The following PRRC2B variants were observed in gnomAD, a reference collection of about 807,000 sequenced individuals.
PRRC2B encodes protein PRRC2B.
In PRRC2B, 68 loss-of-function variants were observed where a neutral mutation model predicts 242.3. That is an observed-to-expected ratio of 0.28 (90% CI 0.23 to 0.34). The LOEUF (loss-of-function observed/expected upper bound fraction) is 0.34, where lower values mean the gene tolerates loss of function less well. Ranked by LOEUF, PRRC2B falls within the 10% of genes least tolerant of loss-of-function variation. The pLI is 1.00. For synonymous variants in PRRC2B, 1,228 were observed against 1,173.6 expected (o/e 1.05, Z -0.95); for missense variants, 2,835 against 2,954.8 (o/e 0.96, Z 0.94).
intron 1 of PRRC2B, among the ~76,000 whole-genome samples, chr9:131,413,904 TC>T (rs1837571535): frequency 6.6e-6 from 1 of 152,052 alleles, no homozygotes; most frequent in Non-Finnish European, 1.5e-5. Flanking sequence ...TCTCCTGACC[TC>T]ATGATCCACC....
At chr9:131,400,448 G>C (rs1367780183) in intron 1 of PRRC2B, among the ~76,000 whole-genome samples, 2 of 151,906 alleles carry the variant, frequency 1.3e-5, no homozygotes, top group African/African-American at 4.8e-5. Flanking sequence ...CCTTCGAGTA[G>C]CTGGGATTAC....
At position 131,487,839 on chromosome 9, in the gene PRRC2B, C is replaced by T. The variant is rs1182119600; in HGVS notation, c.5985-17C>T. ...GACTCATCCACCTGATCCCGACCAT[C>T]TGTCTGGCTTTTGCAGATCTCAGGT... On this transcript the variant is annotated splice_polypyrimidine_tract_variant and intron_variant, in intron 27 of 31. Coordinates refer to ENST00000683519, the MANE Select transcript of PRRC2B (RefSeq NM_013318.4). This position sits in a 1 kb window ranked among gnomAD's most constrained non-coding sequence, Gnocchi z 5.3. The T allele has an allele frequency of 1.3e-6, 2 of 1,598,244 alleles. No homozygotes were observed. Among genetic ancestry groups the T allele is most frequent in the Non-Finnish European group, 8.6e-7 (1 of 1,167,500 alleles).
At chr9:131,376,224 C>T (rs1001781797) in intron 1 of PRRC2B, among the ~76,000 whole-genome samples, 19 of 148,528 alleles carry the variant, frequency 1.3e-4, no homozygotes, top group Admixed American at 4.1e-4. Context: ...TATGGTGGCG[C>T]GCGTCTGTAA....
At chr9:131,474,216 G>A (rs1436016943) in intron 15 of PRRC2B, among the ~76,000 whole-genome samples, 5 of 152,108 alleles carry the variant, frequency 3.3e-5, no homozygotes. Context: ...AGGACTCCAG[G>A]GGCCACCGAC....
At chr9:131,493,995 G>C (rs1262097990) in intron 30 of PRRC2B, among the ~76,000 whole-genome samples, 1 of 152,186 alleles carries the variant, frequency 6.6e-6, no homozygotes, top group East Asian at 1.9e-4. Flanking sequence ...GTGAAGACTA[G>C]AACAATACTC....
intron 19 of PRRC2B, among the ~76,000 whole-genome samples, chr9:131,479,647 T>G (rs1447506456): frequency 6.6e-6 from 1 of 152,212 alleles, no homozygotes; most frequent in Non-Finnish European, 1.5e-5. Flanking sequence ...AGTCTGGTGA[T>G]CTGGAAAAGG....
At chr9:131,468,891 T>G (rs1943465734) in intron 13 of PRRC2B, among the ~76,000 whole-genome samples, 1 of 151,936 alleles carries the variant, frequency 6.6e-6, no homozygotes, top group Admixed American at 6.6e-5. Context: ...AGCATGGGAG[T>G]GTAGGCGAGC....
At chr9:131,476,886 C>T (rs1392131789) in intron 16 of PRRC2B, among the ~76,000 whole-genome samples, 1 of 152,218 alleles carries the variant, frequency 6.6e-6, no homozygotes, top group Non-Finnish European at 1.5e-5. Context: ...CACCAGAGTC[C>T]TCTGCTCCGG....
rs888754807 is a variant in PRRC2B, at chr9:131,496,627, A to T, written c.*753A>T. ...CTCAGAGCAGCAGGCAGGTTGGGGG[A>T]GGGGGGGGGTCATAGTTGGGTTCCA... is the stretch of plus-strand genomic sequence containing the variant. On this transcript the variant is annotated 3_prime_UTR_variant, in exon 32 of 32. Coordinates refer to ENST00000683519, the MANE Select transcript of PRRC2B (RefSeq NM_013318.4). 3 of 142,638 alleles carry T rather than the reference A, an allele frequency of 2.1e-5. 1 individual carries two copies. The highest frequency in any genetic ancestry group is 8.0e-5 in the African/African-American group (3 of 37,526). 8.8% of individuals were successfully genotyped at this position (142,638 alleles called of 1,614,324 possible). A position where few individuals can be genotyped will look rare whatever the true frequency, so the allele number is the denominator to read the frequency against.
intron 14 of PRRC2B, among the ~76,000 whole-genome samples, chr9:131,471,676 A>G (rs559178745): frequency 1.3e-5 from 2 of 152,358 alleles, no homozygotes; most frequent in East Asian, 1.9e-4. Flanking sequence ...CGTTACTTGT[A>G]AAAACTGGCA....
intron 1 of PRRC2B, among the ~76,000 whole-genome samples, chr9:131,382,888 G>A (rs1019174164): frequency 5.9e-5 from 9 of 151,864 alleles, no homozygotes; most frequent in Non-Finnish European, 1.2e-4. Context: ...CAAGTGATCC[G>A]CCCGCCTTGG....
chr9:131,410,439 G>A (rs1444295197), intron 1 of PRRC2B, among the ~76,000 whole-genome samples: 1 of 152,198 alleles, frequency 6.6e-6, no homozygotes, highest in Non-Finnish European at 1.5e-5. Flanking sequence ...GAGTACCGTG[G>A]GCAGGTGGGG....
intron 1 of PRRC2B, among the ~76,000 whole-genome samples, chr9:131,406,587 T>C (rs935533944): frequency 2.0e-5 from 3 of 152,204 alleles, no homozygotes; most frequent in Non-Finnish European, 2.9e-5. Flanking sequence ...ATCATGTCTT[T>C]TGCTCCTTTA....
chr9:131,377,422 A>T (rs1047745941), intron 1 of PRRC2B, among the ~76,000 whole-genome samples: 1 of 151,860 alleles, frequency 6.6e-6, no homozygotes, highest in Admixed American at 6.6e-5. Context: ...CTATACTATT[A>T]ATTTTTTTTT....
chr9:131,420,305 C>T (rs1837767413), intron 1 of PRRC2B, among the ~76,000 whole-genome samples: 1 of 151,778 alleles, frequency 6.6e-6, no homozygotes, highest in Non-Finnish European at 1.5e-5. Context: ...TGGGCTTCTG[C>T]AGGTAGAATG....
At chr9:131,463,162 G>A (rs2131419804) in intron 11 of PRRC2B, among the ~76,000 whole-genome samples, 1 of 152,270 alleles carries the variant, frequency 6.6e-6, no homozygotes, top group South Asian at 2.1e-4. Context: ...AAAGTGAAAG[G>A]AAACTGCACG....
intron 1 of PRRC2B, 40 bp from the exon 2 acceptor site, chr9:131,430,054 C>G (rs1480273192): frequency 4.4e-5 from 23 of 524,574 alleles, no homozygotes; most frequent in Middle Eastern, 3.1e-4. Flanking sequence ...TTTTTTTTTT[C>G]TCTCTCTTTT....
At chr9:131,486,227 G>T in intron 26 of PRRC2B, 45 bp downstream of exon 26, 6 of 1,335,578 alleles carry the variant, frequency 4.5e-6, no homozygotes, top group Non-Finnish European at 6.4e-6. Flanking sequence ...TGGTGGGGAG[G>T]AGCCAGTGCA....
intron 10 of PRRC2B, among the ~76,000 whole-genome samples, chr9:131,456,016 G>A (rs1292280967): frequency 6.6e-6 from 1 of 152,014 alleles, no homozygotes; most frequent in Non-Finnish European, 1.5e-5. Flanking sequence ...GGGTGGCTGA[G>A]GCAGGAGAAT....
Sources: allele counts gnomAD v4.1 joint callset (sites outside exome capture counted in the v4.1 genomes callset), GRCh38; gene constraint gnomAD v4.1.1; non-coding constraint Gnocchi (gnomAD v3.1); transcripts MANE v1.5; gene names NCBI Gene and HGNC (gene_info 2026-07-23, HGNC 2026-07-21).